PMM2: variants seen among roughly 807,000 people sequenced by gnomAD.
PMM2 encodes the protein phosphomannomutase 2.
In PMM2, 35 loss-of-function variants were observed where a neutral mutation model predicts 33.2. The ratio of observed to expected loss-of-function variants is 1.06; its 90% confidence interval spans 0.81 to 1.40. The LOEUF is 1.40. PMM2 is among the 40% of genes most tolerant of loss of function. PMM2 has a pLI of 0.00. For synonymous variants in PMM2, 153 were observed against 114.7 expected (o/e 1.33, Z -2.13); for missense variants, 386 against 306.0 (o/e 1.26, Z -1.95).
chr16:8,825,267 G>A lies in PMM2; in HGVS notation c.639+12161G>A, dbSNP rs564803916. Among the ~76,000 whole-genome samples, 42 of 151,882 alleles carry A rather than the reference G, an allele frequency of 2.8e-4. No homozygotes were observed. In the South Asian group the frequency reaches 8.3e-3, roughly 30 times the overall value. On this transcript the variant is annotated intron_variant, in intron 7 of 7. Transcript: ENST00000268261. ...AGGATGGTCTTGATCTCCTGACCTCGTGATCCACCCACCTCGGCCTCCCAA... is the reference window on the plus strand; with the variant it reads ...AGGATGGTCTTGATCTCCTGACCTCATGATCCACCCACCTCGGCCTCCCAA...
intron 7 of PMM2, among the ~76,000 whole-genome samples, chr16:8,833,381 C>T (rs971721942): frequency 6.6e-5 from 10 of 152,238 alleles, no homozygotes; most frequent in South Asian, 2.1e-4. Context: ...TTTACTTTTG[C>T]GGATCTTCAG....
At chr16:8,821,967 C>T (rs2060741746) in intron 7 of PMM2, among the ~76,000 whole-genome samples, 1 of 152,218 alleles carries the variant, frequency 6.6e-6, no homozygotes, top group Non-Finnish European at 1.5e-5. Context: ...AACAGGTTCT[C>T]CTTGCCCACT....
intron 2 of PMM2, among the ~76,000 whole-genome samples, chr16:8,802,699 G>A (rs1037694582): frequency 2.0e-5 from 3 of 151,944 alleles, no homozygotes; most frequent in South Asian, 2.1e-4. Flanking sequence ...GCGTGATGAC[G>A]GGCACCTGTA....
Position 8,848,141 on chromosome 16 carries a change from C to G in PMM2, c.*316C>G, listed in dbSNP as rs1407954928. The G allele has an allele frequency of 2.3e-5, 8 of 350,126 alleles. No individual in the cohort carries two copies. The Admixed American group carries it at 3.0e-4, about 13-fold the overall frequency. The allele number at this position is 350,126 out of a possible 1,614,324, so 21.7% of individuals were successfully genotyped here. A position where few individuals can be genotyped will look rare whatever the true frequency, so the allele number is the denominator to read the frequency against. Reference sequence around the variant, plus strand: ...TTTTGGCGGAAATTTCCCCATCATTCTAGGATGATACAGAAAGAAAAACTG... The same window carrying G: ...TTTTGGCGGAAATTTCCCCATCATTGTAGGATGATACAGAAAGAAAAACTG... On this transcript the variant is annotated 3_prime_UTR_variant, in exon 8 of 8. Transcript: ENST00000268261.
In PMM2 at chr16:8,827,719, C is replaced by T. The variant is rs78691800; in HGVS notation, c.639+14613C>T. Among the ~76,000 whole-genome samples the T allele has an allele frequency of 5.4e-3, 362 of 66,846 alleles. 2 individuals are homozygous for T. Among genetic ancestry groups the T allele is most frequent in the African/African-American group, 0.018 (299 of 16,452 alleles). 43.9% of individuals were successfully genotyped at this position (66,846 alleles called of 152,430 possible). On this transcript the variant is annotated intron_variant, in intron 7 of 7. Transcript: ENST00000268261. ...CCCACAAAGGCCTTTTAAATGTGTGCATATATATATATATATATATATATA... is the reference window on the plus strand; with the variant it reads ...CCCACAAAGGCCTTTTAAATGTGTGTATATATATATATATATATATATATA...
chr16:8,830,159 A>G (rs369330067), intron 7 of PMM2, among the ~76,000 whole-genome samples: 2 of 152,338 alleles, frequency 1.3e-5, no homozygotes, highest in South Asian at 4.1e-4. Context: ...GTCAGCCCCC[A>G]GTCGAAGAGA....
intron 7 of PMM2, among the ~76,000 whole-genome samples, chr16:8,829,850 A>C (rs1177933285): frequency 1.3e-5 from 2 of 152,156 alleles, no homozygotes; most frequent in Non-Finnish European, 2.9e-5. Context: ...CATACAGCAA[A>C]ACACCTTCCA....
intron 7 of PMM2, among the ~76,000 whole-genome samples, chr16:8,833,145 A>C (rs916880247): frequency 6.6e-6 from 1 of 152,212 alleles, no homozygotes; most frequent in Admixed American, 6.5e-5. Context: ...AAAGAGAGTC[A>C]GCAAAGGGTG....
At chr16:8,818,593 C>T (rs2060720547) in intron 7 of PMM2, among the ~76,000 whole-genome samples, 1 of 152,200 alleles carries the variant, frequency 6.6e-6, no homozygotes, top group Non-Finnish European at 1.5e-5. Context: ...AGTAAAAAAG[C>T]CATTTCTCAG....
intron 7 of PMM2, among the ~76,000 whole-genome samples, chr16:8,833,600 G>C (rs907384023): frequency 1.3e-4 from 19 of 151,668 alleles, no homozygotes; most frequent in Middle Eastern, 3.4e-3. Flanking sequence ...GATTAGGGGC[G>C]GCGTGGGAAC....
intron 5 of PMM2, 94 bp downstream of exon 5, chr16:8,811,272 T>C (rs1236858449): frequency 1.1e-5 from 10 of 878,630 alleles, no homozygotes; most frequent in Non-Finnish European, 1.8e-5. Context: ...TCCCAACACT[T>C]TGGGAGGCCA....
intron 7 of PMM2, among the ~76,000 whole-genome samples, chr16:8,831,809 G>A (rs990299635): frequency 1.3e-5 from 2 of 152,092 alleles, no homozygotes; most frequent in African/African-American, 4.8e-5. Flanking sequence ...TCAGACTTTG[G>A]GACTATTAGG....
intron 7 of PMM2, chr16:8,832,340 G>C (rs2060815511): frequency 4.1e-6 from 4 of 985,328 alleles, no homozygotes; most frequent in Admixed American, 6.1e-5. Flanking sequence ...CCTGCAGCCA[G>C]GGTCGGGAGG....
rs146287374 is a variant in PMM2, at chr16:8,846,031, C to A, written c.640-1693C>A. Among the ~76,000 whole-genome samples, 259 of 152,266 alleles carry A rather than the reference C, an allele frequency of 1.7e-3. 1 individual carries two copies. Among genetic ancestry groups the A allele is most frequent in the African/African-American group, 5.8e-3 (241 of 41,552 alleles). ...CATGCAATTCAGGTCTGTCTGAAGGCCCCCAGGCCTGGTACAAAACTGTGT... is the reference window on the plus strand; with the variant it reads ...CATGCAATTCAGGTCTGTCTGAAGGACCCCAGGCCTGGTACAAAACTGTGT... On this transcript the variant is annotated intron_variant, in intron 7 of 7. Transcript: ENST00000268261.
At chr16:8,831,996 T>C (rs1596499675) in intron 7 of PMM2, 1 of 298,192 alleles carries the variant, frequency 3.4e-6, no homozygotes. Context: ...CCAACTAGAA[T>C]CAAGTAACCT....
rs190270530 is a variant in PMM2, at chr16:8,837,112, C to T, written c.640-10612C>T. On this transcript the variant is annotated intron_variant, in intron 7 of 7. Coordinates refer to ENST00000268261, the MANE Select transcript of PMM2 (RefSeq NM_000303.3). ...GAAAAGGAATATTAGAAAGACTCAG[C>T]GACGCTTGGGGTTGCGACTGAGGGG... Among the ~76,000 whole-genome samples, 582 of 151,792 alleles carry T rather than the reference C, an allele frequency of 3.8e-3. 7 individuals carry two copies. Among genetic ancestry groups the T allele is most frequent in the African/African-American group, 0.013 (544 of 41,394 alleles).
chr16:8,832,174 G>C (rs2060814089), intron 7 of PMM2: 1 of 985,318 alleles, frequency 1.0e-6, no homozygotes, highest in African/African-American at 1.7e-5. Context: ...CCCCAGGAAG[G>C]AGCCCACCAT....
rs897974358 is a variant in PMM2, at chr16:8,847,869, A to G, written c.*44A>G. Reference sequence around the variant, plus strand: ...GGGGTCCCGGCTGACAAGCCAGCATAGGGCATTCGGTGGCCAGAGCCGAGG... The same window carrying G: ...GGGGTCCCGGCTGACAAGCCAGCATGGGGCATTCGGTGGCCAGAGCCGAGG... On this transcript the variant is annotated 3_prime_UTR_variant, in exon 8 of 8. Transcript: ENST00000268261. The G allele has an allele frequency of 2.7e-6, 4 of 1,473,456 alleles. No individual in the cohort carries two copies. The African/African-American group carries it at 5.5e-5, about 20-fold the overall frequency. The allele number at this position is 1,473,456 out of a possible 1,614,324, so 91.3% of individuals were successfully genotyped here. A position where few individuals can be genotyped will look rare whatever the true frequency, so the allele number is the denominator to read the frequency against.
At chr16:8,803,797 C>T (rs1258655168) in intron 2 of PMM2, among the ~76,000 whole-genome samples, 2 of 151,696 alleles carry the variant, frequency 1.3e-5, no homozygotes, top group Admixed American at 1.3e-4. Context: ...GATTCGTGTG[C>T]CTCAGCCTCC....
Sources: allele counts gnomAD v4.1 joint callset (sites outside exome capture counted in the v4.1 genomes callset), GRCh38; gene constraint gnomAD v4.1.1; transcripts MANE v1.5; gene names NCBI Gene and HGNC (gene_info 2026-07-23, HGNC 2026-07-21).